Variants in TJP3 observed in about 807,000 individuals in gnomAD.
TJP3 encodes tight junction protein ZO-3.
Under a neutral mutation model 104.2 loss-of-function variants are expected in TJP3, and 85 were observed. The observed-to-expected ratio is 0.82, with a 90% CI of 0.68 to 0.98. TJP3 has a LOEUF of 0.98. Ranked by LOEUF, TJP3 falls within the 50% of genes least tolerant of loss-of-function variation. The pLI is 0.00. For missense variants in TJP3, 1,367 were observed against 1,322.8 expected (o/e 1.03, Z -0.52); for synonymous variants, 550 against 550.6 (o/e 1.00, Z 0.02).
intron 1 of TJP3, among the ~76,000 whole-genome samples, chr19:3,725,163 G>A (rs138043263): frequency 1.3e-5 from 2 of 152,332 alleles, no homozygotes; most frequent in East Asian, 1.9e-4. Flanking sequence ...CTGGGAGGCT[G>A]AAGCAGGAGG....
chr19:3,723,816 T>A (rs866197151), intron 1 of TJP3, among the ~76,000 whole-genome samples: 1,905 of 144,208 alleles, frequency 0.013, 15 homozygotes, highest in Middle Eastern at 0.025. Context: ...AAAATATATA[T>A]ATATATATAT....
chr19:3,742,173 C>G (rs1238190470), intron 14 of TJP3, among the ~76,000 whole-genome samples: 1 of 152,136 alleles, frequency 6.6e-6, no homozygotes, highest in African/African-American at 2.4e-5. Flanking sequence ...GTGGCTCACG[C>G]TTGTAATCCC....
chr19:3,748,567 C>CTT (rs754151380), intron 19 of TJP3, among the ~76,000 whole-genome samples: 56 of 107,884 alleles, frequency 5.2e-4, no homozygotes, highest in South Asian at 8.9e-4. Context: ...TGCACCCAGG[C>CTT]TTTTTTTTTT....
intron 1 of TJP3, among the ~76,000 whole-genome samples, chr19:3,716,285 C>G (rs1237424931): frequency 2.0e-5 from 3 of 148,576 alleles, no homozygotes; most frequent in Non-Finnish European, 3.0e-5. Flanking sequence ...GTTGGCCAGG[C>G]TGCTCTCGAA....
intron 1 of TJP3, among the ~76,000 whole-genome samples, chr19:3,719,603 G>A (rs1223431219): frequency 1.3e-5 from 2 of 151,832 alleles, no homozygotes; most frequent in Non-Finnish European, 2.9e-5. Context: ...AGGCGTGGTG[G>A]CGGGTGCCTG....
intron 1 of TJP3, among the ~76,000 whole-genome samples, chr19:3,714,427 G>A (rs1030829696): frequency 2.0e-5 from 3 of 148,536 alleles, no homozygotes; most frequent in African/African-American, 5.0e-5. Context: ...ATCCACCCGC[G>A]TTGGCCTCCC....
Position 3,730,821 on chromosome 19 carries a change from C to T in TJP3, c.613+115C>T, listed in dbSNP as rs1391229051. The T allele has an allele frequency of 1.8e-6, 2 of 1,131,932 alleles. No individual in the cohort carries two copies. Among genetic ancestry groups the T allele is most frequent in the African/African-American group, 3.2e-5 (2 of 62,370 alleles). 70.1% of individuals were successfully genotyped at this position (1,131,932 alleles called of 1,614,324 possible). ...TCAGCCTCCCTGGTGGCTGGGACTC[C>T]AGGCGCCCGCCACCATGCCTGGCTA... On this transcript the variant is annotated intron_variant, in intron 5 of 20. Transcript: ENST00000541714. The surrounding 1 kb of genome is among the most constrained non-coding windows in gnomAD (Gnocchi z 7.3).
rs536336878 is a variant in TJP3, at chr19:3,738,585, C to T, written c.1315C>T (p.Arg439Trp). The T allele has an allele frequency of 2.9e-5, 46 of 1,613,730 alleles. No individual in the cohort carries two copies. Among genetic ancestry groups the T allele is most frequent in the East Asian group, 2.0e-4 (9 of 44,876 alleles). ...VNDVPFQNLT[R>W]EEAVQFLLGL... ...TGACGTGCCATTCCAGAACCTGACA[C>T]GGGAGGAGGCAGTGCAGTTCCTGCT... Residue 439 changes from arginine (R) to tryptophan (W), a missense_variant, in exon 12 of 21, where the codon CGG becomes TGG. By Grantham distance (101) the Arg-to-Trp change is moderately radical. Transcript: ENST00000541714.
rs1158906611 is a variant in TJP3, at chr19:3,735,922, A to G, written c.1114A>G (p.Met372Val). The change falls in exon 10 of 21, where the codon ATG becomes GTG. Residue 372 changes from methionine (M) to valine (V), a missense_variant. Transcript: ENST00000541714. Reference protein sequence around the residue: ...DIYRVPSSQSMEDRGYSPDTR... With the variant: ...DIYRVPSSQSVEDRGYSPDTR... Reference sequence around the variant, plus strand: ...CTACAGAGTGCCCAGCAGTCAGAGCATGGAGGATCGTGGGTATGTACCCCA... The same window carrying G: ...CTACAGAGTGCCCAGCAGTCAGAGCGTGGAGGATCGTGGGTATGTACCCCA... 6.2e-7 allele frequency: 1 copy of G among 1,614,186 alleles called. No homozygotes were observed. Among genetic ancestry groups the G allele is most frequent in the Admixed American group, 1.7e-5 (1 of 60,024 alleles).
At chr19:3,722,292 A>G (rs2036549102) in intron 1 of TJP3, among the ~76,000 whole-genome samples, 1 of 152,084 alleles carries the variant, frequency 6.6e-6, no homozygotes, top group Non-Finnish European at 1.5e-5. Flanking sequence ...AAACAGAGAG[A>G]AAAATGTGTT....
At chr19:3,745,961 G>A in intron 15 of TJP3, 50 bp from the exon 16 acceptor site, 1 of 1,496,046 alleles carries the variant, frequency 6.7e-7, no homozygotes, top group Non-Finnish European at 9.1e-7. Context: ...TGAATTTGAG[G>A]GGACGGGGGC....
At chr19:3,718,157 G>C (rs1415622433) in intron 1 of TJP3, among the ~76,000 whole-genome samples, 3 of 134,324 alleles carry the variant, frequency 2.2e-5, no homozygotes, top group Non-Finnish European at 4.6e-5. Context: ...AGTGAGCTGA[G>C]ATTGCGCCTG....
chr19:3,739,542 A>G (rs752144564), intron 13 of TJP3, among the ~76,000 whole-genome samples: 1 of 152,182 alleles, frequency 6.6e-6, no homozygotes, highest in Admixed American at 6.6e-5. Context: ...TGGTGGTTCA[A>G]TCTGAGGAGG....
chr19:3,746,191 C>A lies in TJP3; in HGVS notation c.2010+110C>A. 8.7e-7 allele frequency: 1 copy of A among 1,152,890 alleles called. No individual in the cohort carries two copies. The allele number at this position is 1,152,890 out of a possible 1,614,324, so 71.4% of individuals were successfully genotyped here. ...TCAGCCCACACCCCACAAGTGCAGT[C>A]TTCCATAGAGCCCCTTTTGGAGGCT... On this transcript the variant is annotated intron_variant, in intron 16 of 20. Coordinates refer to ENST00000541714, the MANE Select transcript of TJP3 (RefSeq NM_001267560.2). The surrounding 1 kb of genome is among the most constrained non-coding windows in gnomAD (Gnocchi z 4.1).
At chr19:3,717,985 G>A (rs1487393942) in intron 1 of TJP3, among the ~76,000 whole-genome samples, 1 of 151,194 alleles carries the variant, frequency 6.6e-6, no homozygotes, top group Non-Finnish European at 1.5e-5. Context: ...GGAGGCCGAG[G>A]GGGGCGGATC....
intron 1 of TJP3, among the ~76,000 whole-genome samples, chr19:3,723,445 A>T (rs2036563652): frequency 6.6e-6 from 1 of 152,116 alleles, no homozygotes; most frequent in African/African-American, 2.4e-5. Context: ...CCAGAAACAT[A>T]CTAACCGATG....
rs765701125 is a variant in TJP3, at chr19:3,730,703, G to A, written c.610G>A (p.Glu204Lys). 1.3e-5 allele frequency: 21 copies of A among 1,605,374 alleles called. No individual in the cohort carries two copies. Among genetic ancestry groups the A allele is most frequent in the Admixed American group, 5.0e-5 (3 of 59,948 alleles). ...KSVLVKRRDS[E>K]EFGVKLGSQI... ...AGTGCTGGTGAAGAGGAGAGACAGCGAAGGTCAGAAGAGGCGGGAGGTCGG... is the reference window on the plus strand; with the variant it reads ...AGTGCTGGTGAAGAGGAGAGACAGCAAAGGTCAGAAGAGGCGGGAGGTCGG... The change falls in exon 5 of 21, where the codon GAA becomes AAA. Residue 204 changes from glutamate (E) to lysine (K), a missense_variant. Physicochemically the swap from Glu to Lys is moderately conservative, Grantham distance 56 (BLOSUM62 1). Coordinates refer to ENST00000541714, the MANE Select transcript of TJP3 (RefSeq NM_001267560.2). The surrounding 1 kb of genome is among the most constrained non-coding windows in gnomAD (Gnocchi z 7.3).
chr19:3,719,173 T>G (rs1460667543), intron 1 of TJP3, among the ~76,000 whole-genome samples: 1 of 151,820 alleles, frequency 6.6e-6, no homozygotes, highest in Non-Finnish European at 1.5e-5. Flanking sequence ...ACAGAATGAG[T>G]GTCCGTCTTG....
chr19:3,718,454 G>A (rs1244406333), intron 1 of TJP3, among the ~76,000 whole-genome samples: 2 of 144,664 alleles, frequency 1.4e-5, no homozygotes, highest in Non-Finnish European at 3.0e-5. Context: ...CTTTTCTTGC[G>A]GTTTTTTTTT....
Sources: allele counts gnomAD v4.1 joint callset (sites outside exome capture counted in the v4.1 genomes callset), GRCh38; gene constraint gnomAD v4.1.1; non-coding constraint Gnocchi (gnomAD v3.1); transcripts MANE v1.5; gene names NCBI Gene and HGNC (gene_info 2026-07-23, HGNC 2026-07-21).